LRRTM4: variants seen among roughly 807,000 people sequenced by gnomAD.
LRRTM4 encodes the protein leucine-rich repeat transmembrane neuronal protein 4.
In LRRTM4, 25 loss-of-function variants were observed where a neutral mutation model predicts 47.6. The ratio of observed to expected loss-of-function variants is 0.53; its 90% CI spans 0.38 to 0.73. The LOEUF is 0.73. LRRTM4 is among the 30% of genes least tolerant of loss of function. LRRTM4 has a pLI of 0.00. For missense variants in LRRTM4, 638 were observed against 713.4 expected, an observed-to-expected ratio of 0.89 and a Z score of 1.20; for synonymous variants, 311 against 269.5, an observed-to-expected ratio of 1.15 and a Z score of -1.51.
At chr2:76,917,746 C>G (rs1251433935) in intron 3 of LRRTM4, among the ~76,000 whole-genome samples, 1 of 152,064 alleles carries the variant, frequency 6.6e-6, no homozygotes, top group African/African-American at 2.4e-5. Flanking sequence ...CAGTCATGCC[C>G]CTAACTTTCC....
At position 77,173,214 on chromosome 2, in the gene LRRTM4, A is replaced by T. The variant is rs191203371; in HGVS notation, c.1551+345104T>A. On this transcript the variant is annotated intron_variant, in intron 3 of 3. Coordinates refer to ENST00000409884, the MANE Select transcript of LRRTM4 (RefSeq NM_001134745.3). ...ACAGAATCTGAAATTGAATTCGGCC[A>T]TGATTTCATTTTCTTTGGTCAGATC... 1.1e-3 allele frequency among the ~76,000 whole-genome samples: 166 copies of T among 152,346 alleles called. 2 individuals carry two copies. The highest frequency in any genetic ancestry group is 3.2e-3 in the African/African-American group (132 of 41,586).
chr2:76,854,818 T>G (rs1301462072), intron 3 of LRRTM4, among the ~76,000 whole-genome samples: 1 of 151,652 alleles, frequency 6.6e-6, no homozygotes, highest in Non-Finnish European at 1.5e-5. Flanking sequence ...AATCCTTTTT[T>G]TTTTTTTCAC....
Position 77,111,023 on chromosome 2 carries a change from A to C in LRRTM4, c.1552-362107T>G, listed in dbSNP as rs79325393. ...TCAGTTTTTGAGTTAGAAGACACAA[A>C]ATTTAAACAAGGAATTGAGAAGCAA... On this transcript the variant is annotated intron_variant, in intron 3 of 3. Transcript: ENST00000409884. Among the ~76,000 whole-genome samples the C allele has an allele frequency of 1.4e-3, 218 of 152,300 alleles. 8 individuals carry two copies. In the East Asian group the frequency reaches 0.04, roughly 28 times the overall value.
At chr2:77,205,164 A>G (rs540348911) in intron 3 of LRRTM4, among the ~76,000 whole-genome samples, 2 of 152,352 alleles carry the variant, frequency 1.3e-5, no homozygotes, top group Admixed American at 1.3e-4. Flanking sequence ...AAGATATTTG[A>G]GTACCACTTA....
At chr2:77,150,341 C>T (rs951658861) in intron 3 of LRRTM4, among the ~76,000 whole-genome samples, 1 of 152,098 alleles carries the variant, frequency 6.6e-6, no homozygotes, top group Admixed American at 6.6e-5. Flanking sequence ...TCTCTCTTTT[C>T]TCTCTTTTTT....
intron 3 of LRRTM4, among the ~76,000 whole-genome samples, chr2:77,508,627 C>A (rs139424851): frequency 6.6e-6 from 1 of 151,972 alleles, no homozygotes; most frequent in Non-Finnish European, 1.5e-5. Context: ...GCAATCATAT[C>A]ATGAGAAATA....
intron 3 of LRRTM4, among the ~76,000 whole-genome samples, chr2:77,299,957 T>C (rs1677086598): frequency 6.6e-6 from 1 of 150,550 alleles, no homozygotes; most frequent in Admixed American, 6.7e-5. Flanking sequence ...GTTCAAACGA[T>C]TCTCCTGCCT....
At chr2:77,164,183 T>G (rs1050721796) in intron 3 of LRRTM4, among the ~76,000 whole-genome samples, 16 of 152,048 alleles carry the variant, frequency 1.1e-4, no homozygotes, top group African/African-American at 3.6e-4. Context: ...AAAACAGACT[T>G]TAAACCAACA....
intron 3 of LRRTM4, among the ~76,000 whole-genome samples, chr2:76,862,852 T>C (rs1275242064): frequency 6.6e-6 from 1 of 152,304 alleles, no homozygotes; most frequent in East Asian, 1.9e-4. Flanking sequence ...TAAATGAAGA[T>C]AACTCAGTGA....
At chr2:77,122,140 T>C (rs1174855123) in intron 3 of LRRTM4, among the ~76,000 whole-genome samples, 1 of 151,762 alleles carries the variant, frequency 6.6e-6, no homozygotes, top group Non-Finnish European at 1.5e-5. Flanking sequence ...CAGCTAGATA[T>C]ATTAAACAAT....
chr2:77,035,543 TTTGC>T, intron 3 of LRRTM4, among the ~76,000 whole-genome samples: 1 of 151,930 alleles, frequency 6.6e-6, no homozygotes, highest in Non-Finnish European at 1.5e-5. Context: ...AAAATAGTGT[TTTGC>T]TTTTCTTTTA....
intron 3 of LRRTM4, among the ~76,000 whole-genome samples, chr2:76,988,163 G>A (rs943434911): frequency 6.6e-6 from 1 of 151,630 alleles, no homozygotes; most frequent in Non-Finnish European, 1.5e-5. Flanking sequence ...TTTCCAGTCT[G>A]CAGCCAACCT....
intron 3 of LRRTM4, among the ~76,000 whole-genome samples, chr2:76,761,203 AAAC>A (rs1673241113): frequency 6.6e-6 from 1 of 152,206 alleles, no homozygotes; most frequent in African/African-American, 2.4e-5. Context: ...GCTTGACTCA[AAAC>A]AAAGCAGGCT....
At chr2:76,977,545 C>A (rs557058445) in intron 3 of LRRTM4, among the ~76,000 whole-genome samples, 2 of 152,034 alleles carry the variant, frequency 1.3e-5, no homozygotes, top group African/African-American at 4.8e-5. Flanking sequence ...GAACCAGAAG[C>A]CTGTGATTTC....
chr2:76,934,743 T>C (rs539146550), intron 3 of LRRTM4, among the ~76,000 whole-genome samples: 1 of 152,268 alleles, frequency 6.6e-6, no homozygotes, highest in South Asian at 2.1e-4. Flanking sequence ...TAGATGACAA[T>C]ACTGTGTACT....
intron 3 of LRRTM4, among the ~76,000 whole-genome samples, chr2:77,096,770 ATCAAT>A (rs1230617425): frequency 6.6e-6 from 1 of 151,692 alleles, no homozygotes; most frequent in Non-Finnish European, 1.5e-5. Context: ...TAAATTTGTA[ATCAAT>A]TCAAAAGGAG....
chr2:77,382,772 A>C (rs1022239419), intron 3 of LRRTM4, among the ~76,000 whole-genome samples: 1 of 152,132 alleles, frequency 6.6e-6, no homozygotes, highest in Non-Finnish European at 1.5e-5. Flanking sequence ...AAACTGAAGG[A>C]AATATTTTTC....
intron 3 of LRRTM4, among the ~76,000 whole-genome samples, chr2:77,020,829 C>A (rs990960456): frequency 1.3e-5 from 2 of 152,134 alleles, no homozygotes; most frequent in Admixed American, 6.6e-5. Context: ...GTCCAAGGAA[C>A]AGAAGCAGAC....
At chr2:77,272,925 G>A (rs1676244272) in intron 3 of LRRTM4, among the ~76,000 whole-genome samples, 1 of 152,098 alleles carries the variant, frequency 6.6e-6, no homozygotes, top group African/African-American at 2.4e-5. Context: ...TCAGAATTGT[G>A]GAGAGCCATA....
Sources: allele counts gnomAD v4.1 joint callset (sites outside exome capture counted in the v4.1 genomes callset), GRCh38; gene constraint gnomAD v4.1.1; transcripts MANE v1.5; gene names NCBI Gene and HGNC (gene_info 2026-07-23, HGNC 2026-07-21).